RSF1: variants seen among roughly 807,000 people sequenced by gnomAD.
The protein encoded by RSF1 is remodeling and spacing factor 1, also known as HBV pX-associated protein 8.
Under a neutral mutation model 145.2 loss-of-function variants are expected in RSF1, and 13 were observed. The observed-to-expected ratio is 0.09, with a 90% CI of 0.06 to 0.14. The LOEUF is 0.14. Among genes scored for constraint, RSF1 ranks in the 10% least tolerant of loss-of-function variants. The probability of loss-of-function intolerance (pLI) is 1.00; values close to 1 mark genes in which losing one functional copy is unlikely to be tolerated. For missense variants in RSF1, 1,517 were observed against 1,718.2 expected, an observed-to-expected ratio of 0.88 and a Z score of 2.07; for synonymous variants, 577 against 592.6, an observed-to-expected ratio of 0.97 and a Z score of 0.38.
chr11:77,774,570 CAAAA>C (rs1363627786), intron 1 of RSF1, among the ~76,000 whole-genome samples: 30 of 119,276 alleles, frequency 2.5e-4, no homozygotes, highest in South Asian at 2.9e-4. Flanking sequence ...GACTCTGTCT[CAAAA>C]AATAAATAAA....
At chr11:77,726,000 A>C (rs1961046587) in intron 4 of RSF1, among the ~76,000 whole-genome samples, 1 of 152,196 alleles carries the variant, frequency 6.6e-6, no homozygotes. Flanking sequence ...AACGTTTGAT[A>C]ACTTTAAAAA....
At chr11:77,805,057 G>A (rs1307023363) in intron 1 of RSF1, among the ~76,000 whole-genome samples, 1 of 152,120 alleles carries the variant, frequency 6.6e-6, no homozygotes, top group Non-Finnish European at 1.5e-5. Flanking sequence ...GGAAGTTCCC[G>A]TTTGTTTCTT....
At chr11:77,833,396 G>T in the RSF1 span, among the ~76,000 whole-genome samples, 1 of 152,092 alleles carries the variant, frequency 6.6e-6, no homozygotes, top group Non-Finnish European at 1.5e-5. Flanking sequence ...ATAAGGGACT[G>T]TGCAACCTAA....
intron 11 of RSF1, among the ~76,000 whole-genome samples, chr11:77,683,425 C>G (rs930638563): frequency 6.7e-6 from 1 of 149,186 alleles, no homozygotes; most frequent in African/African-American, 2.5e-5. Flanking sequence ...ATGACTAGGC[C>G]GGGCGCGGTG....
chr11:77,778,952 T>C (rs570003073), intron 1 of RSF1, among the ~76,000 whole-genome samples: 18 of 152,322 alleles, frequency 1.2e-4, no homozygotes, highest in African/African-American at 4.3e-4. Context: ...TTTTCATTCA[T>C]TCATTTTTTG....
intron 3 of RSF1, 63 bp from the exon 4 acceptor site, chr11:77,740,999 T>G: frequency 3.3e-6 from 4 of 1,205,016 alleles, no homozygotes; most frequent in Non-Finnish European, 4.8e-6. Context: ...ACAGTAAATA[T>G]GATACAACCG....
intron 7 of RSF1, among the ~76,000 whole-genome samples, chr11:77,695,269 T>A (rs369548297): frequency 4.6e-5 from 7 of 152,106 alleles, no homozygotes; most frequent in African/African-American, 1.2e-4. Context: ...TCCTTAAAGT[T>A]CTGCTCACTA....
chr11:77,764,763 T>C, intron 1 of RSF1, 74 bp from the exon 2 acceptor site: 2 of 955,168 alleles, frequency 2.1e-6, no homozygotes, highest in South Asian at 1.5e-5. Context: ...AATAAAAAAA[T>C]AATCTTCTCC....
In RSF1 at chr11:77,676,981, T is replaced by C. The variant is rs775845346; in HGVS notation, c.3152A>G (p.Asp1051Gly). The change falls in exon 13 of 16, where the codon GAT becomes GGT. Residue 1051 changes from aspartate (D) to glycine (G), a missense_variant. Around this residue, in one of 12 missense-constraint regions of RSF1, gnomAD observed 231 missense variants for 276.6 expected, o/e 0.84. Transcript: ENST00000308488. The stretch of plus-strand genomic sequence containing the variant: ...ACGATGACCTGTGATGGTGGAGATA[T>C]CTTTTCCTCGGCCAACTCCTGAATT... Reference protein sequence around the residue: ...ADGGGVGRGKDISTITGHRGK... With the variant: ...ADGGGVGRGKGISTITGHRGK... 8 of 1,613,628 alleles carry C rather than the reference T, an allele frequency of 5.0e-6. No individual in the cohort carries two copies. The highest frequency in any genetic ancestry group is 6.8e-6 in the Non-Finnish European group (8 of 1,179,864).
At chr11:77,852,224 C>CAAAA in the RSF1 span, among the ~76,000 whole-genome samples, 922 of 33,372 alleles carry the variant, frequency 0.028, 85 homozygotes, top group African/African-American at 0.1. Context: ...GACACTGTCT[C>CAAAA]AAAAAAAAAA....
chr11:77,795,252 A>C (rs1463674775), intron 1 of RSF1, among the ~76,000 whole-genome samples: 1 of 152,240 alleles, frequency 6.6e-6, no homozygotes, highest in African/African-American at 2.4e-5. Flanking sequence ...GAATATCAAT[A>C]AAATGACCAT....
At chr11:77,735,559 C>T (rs1176563357) in intron 4 of RSF1, among the ~76,000 whole-genome samples, 1 of 151,662 alleles carries the variant, frequency 6.6e-6, no homozygotes, top group African/African-American at 2.4e-5. Context: ...AGCCGATCAC[C>T]AAGAAAATAA....
rs1430392536 is a variant in RSF1, at chr11:77,701,493, G to A, written c.1736C>T (p.Pro579Leu). 5 of 1,613,920 alleles carry A rather than the reference G, an allele frequency of 3.1e-6. No homozygotes were observed. Among genetic ancestry groups the A allele is most frequent in the Admixed American group, 3.3e-5 (2 of 59,996 alleles). Residue 579 changes from proline (P) to leucine (L), a missense_variant, in exon 6 of 16, where the codon CCA becomes CTA. By Grantham distance (98) the Pro-to-Leu change is moderately conservative (BLOSUM62 -3). This residue lies in a region of RSF1 where 579 missense variants were observed against 553.5 expected (regional missense o/e 1.05). Transcript: ENST00000308488. The stretch of plus-strand genomic sequence containing the variant: ...CTTTTCAAGACATTCTAGGATTGGT[G>A]GGCGCTTATCCTTCTTAGTTTTGGG... ...KSPKTKKDKRPPILECLEKLE... is the reference protein window; with the variant it reads ...KSPKTKKDKRLPILECLEKLE...
Position 77,665,590 on chromosome 11 carries a change from T to C in RSF1, c.*1327A>G, listed in dbSNP as rs1401532779. On this transcript the variant is annotated 3_prime_UTR_variant, in exon 16 of 16. Coordinates refer to ENST00000308488, the MANE Select transcript of RSF1 (RefSeq NM_016578.4). The stretch of plus-strand genomic sequence containing the variant: ...AAACAAAGGGCTTTTCTTTAAAGTG[T>C]TGAGATGTTTGAAATGGATGTCATG... 1.3e-5 allele frequency: 2 copies of C among 152,236 alleles called. No homozygotes were observed. The highest frequency in any genetic ancestry group is 2.9e-5 in the Non-Finnish European group (2 of 68,030). 9.4% of individuals were successfully genotyped at this position (152,236 alleles called of 1,614,324 possible). A position where few individuals can be genotyped will look rare whatever the true frequency, so the allele number is the denominator to read the frequency against.
chr11:77,759,504 T>C (rs551457298), intron 2 of RSF1, among the ~76,000 whole-genome samples: 1 of 152,184 alleles, frequency 6.6e-6, no homozygotes, highest in African/African-American at 2.4e-5. Context: ...CCCAACATGG[T>C]GAAACCCCGT....
chr11:77,859,887 T>C, the RSF1 span, among the ~76,000 whole-genome samples: 1 of 152,250 alleles, frequency 6.6e-6, no homozygotes, highest in African/African-American at 2.4e-5. Flanking sequence ...AGTAAATGGT[T>C]GTCTGACAGC....
chr11:77,790,305 T>A (rs1445120131), intron 1 of RSF1, among the ~76,000 whole-genome samples: 2 of 152,052 alleles, frequency 1.3e-5, no homozygotes, highest in Admixed American at 1.3e-4. Context: ...AAAATAACTA[T>A]CAACTCTCAT....
intron 1 of RSF1, among the ~76,000 whole-genome samples, chr11:77,788,014 C>T (rs1387909528): frequency 2.0e-5 from 3 of 150,332 alleles, no homozygotes; most frequent in East Asian, 1.9e-4. Context: ...TGGAGGTGTA[C>T]GCCTGTAATA....
At chr11:77,712,423 A>G (rs1311532914) in intron 5 of RSF1, among the ~76,000 whole-genome samples, 3 of 152,176 alleles carry the variant, frequency 2.0e-5, no homozygotes, top group African/African-American at 7.2e-5. Flanking sequence ...TGTCTCAGGT[A>G]TATCTTTATT....
Sources: allele counts gnomAD v4.1 joint callset (sites outside exome capture counted in the v4.1 genomes callset), GRCh38; gene constraint gnomAD v4.1.1; regional missense constraint gnomAD v4.1.1; transcripts MANE v1.5; gene names NCBI Gene and HGNC (gene_info 2026-07-23, HGNC 2026-07-21).